Variants in CNTNAP2 observed in about 807,000 individuals in gnomAD.
The protein encoded by CNTNAP2 is contactin-associated protein-like 2.
Under a neutral mutation model 155.2 loss-of-function variants are expected in CNTNAP2, and 98 were observed. The ratio of observed to expected loss-of-function variants is 0.63; its 90% confidence interval spans 0.54 to 0.75. The LOEUF (loss-of-function observed/expected upper bound fraction) is 0.75, where lower values mean the gene tolerates loss of function less well. CNTNAP2 is among the 30% of genes least tolerant of loss of function. CNTNAP2 has a pLI of 0.00. For missense variants in CNTNAP2, 1,727 were observed against 1,688.1 expected, an observed-to-expected ratio of 1.02 and a Z score of -0.40; for synonymous variants, 651 against 631.2, an observed-to-expected ratio of 1.03 and a Z score of -0.47.
chr7:147,922,197 A>C (rs932733117), intron 14 of CNTNAP2, among the ~76,000 whole-genome samples: 2 of 152,264 alleles, frequency 1.3e-5, no homozygotes, highest in African/African-American at 4.8e-5. Context: ...AAATAAATCA[A>C]GAAATTCATT....
Position 148,126,669 on chromosome 7 carries a change from G to A in CNTNAP2, c.2554+8381G>A, listed in dbSNP as rs192376092. ...CACTGTTGAGGTCATCAATGGTGAA[G>A]ACAAGAGGTGAAATGGACAGGGAAT... On this transcript the variant is annotated intron_variant, in intron 16 of 23. Coordinates refer to ENST00000361727, the MANE Select transcript of CNTNAP2 (RefSeq NM_014141.6). Among the ~76,000 whole-genome samples, 1,378 of 152,294 alleles carry A rather than the reference G, an allele frequency of 9.0e-3. 23 individuals are homozygous for A. Among genetic ancestry groups the A allele is most frequent in the African/African-American group, 0.032 (1,318 of 41,548 alleles).
At chr7:146,604,857 A>G (rs1799016399) in intron 1 of CNTNAP2, among the ~76,000 whole-genome samples, 1 of 142,234 alleles carries the variant, frequency 7.0e-6, no homozygotes, top group Non-Finnish European at 1.5e-5. Flanking sequence ...TCTCACTCAT[A>G]GGTGGGAATT....
At chr7:146,861,989 C>G (rs1017008839) in intron 3 of CNTNAP2, among the ~76,000 whole-genome samples, 1 of 152,022 alleles carries the variant, frequency 6.6e-6, no homozygotes, top group Non-Finnish European at 1.5e-5. Flanking sequence ...AAAGCACTTG[C>G]CAACCTTTTA....
At chr7:147,359,681 G>C (rs748592013) in intron 9 of CNTNAP2, among the ~76,000 whole-genome samples, 3 of 151,990 alleles carry the variant, frequency 2.0e-5, no homozygotes, top group Non-Finnish European at 4.4e-5. Flanking sequence ...TGCACTTCCT[G>C]TTCCTTCTGC....
chr7:147,408,619 G>T (rs112811423), intron 10 of CNTNAP2, among the ~76,000 whole-genome samples: 3,821 of 152,248 alleles, frequency 0.025, 184 homozygotes, highest in African/African-American at 0.087. Context: ...TTAGCCAGGC[G>T]TGGTGGCGGG....
chr7:146,266,228 T>C (rs1799991596), intron 1 of CNTNAP2, among the ~76,000 whole-genome samples: 1 of 152,166 alleles, frequency 6.6e-6, no homozygotes, highest in Non-Finnish European at 1.5e-5. Flanking sequence ...CAGCTAGTAC[T>C]GAGAAAAAGT....
chr7:148,394,175 C>T (rs950721001), intron 22 of CNTNAP2, among the ~76,000 whole-genome samples: 4 of 151,916 alleles, frequency 2.6e-5, no homozygotes, highest in African/African-American at 7.3e-5. Context: ...GTAAGTTCTA[C>T]GTATTTTCTT....
At chr7:147,866,358 A>G (rs1799227062) in intron 13 of CNTNAP2, among the ~76,000 whole-genome samples, 2 of 152,176 alleles carry the variant, frequency 1.3e-5, no homozygotes, top group Admixed American at 1.3e-4. Flanking sequence ...CATTTTTAGA[A>G]TAAGTGTGAT....
rs776937696 is a variant in CNTNAP2, at chr7:147,724,233, T to A, written c.2098+84927T>A. ...ATCAGGCACTAGTTCAGAGGCTGCA[T>A]ACACCAATCTGATGCTCATAAACTC... is the stretch of plus-strand genomic sequence containing the variant. On this transcript the variant is annotated intron_variant, in intron 13 of 23. Transcript: ENST00000361727. 2.2e-4 allele frequency among the ~76,000 whole-genome samples: 34 copies of A among 152,028 alleles called. 1 individual carries two copies. The highest frequency in any genetic ancestry group is 4.4e-4 in the Non-Finnish European group (30 of 67,970).
chr7:146,255,304 T>C (rs1799820762), intron 1 of CNTNAP2, among the ~76,000 whole-genome samples: 1 of 152,188 alleles, frequency 6.6e-6, no homozygotes, highest in Non-Finnish European at 1.5e-5. Context: ...CCTCACATAA[T>C]TGTGAATATT....
intron 8 of CNTNAP2, among the ~76,000 whole-genome samples, chr7:147,226,771 C>T (rs938773328): frequency 5.3e-5 from 8 of 152,204 alleles, no homozygotes; most frequent in Admixed American, 2.0e-4. Flanking sequence ...TAGCCTTCCG[C>T]TCTTTTACTA....
intron 12 of CNTNAP2, among the ~76,000 whole-genome samples, chr7:147,617,181 T>G (rs572887263): frequency 1.3e-5 from 2 of 152,344 alleles, no homozygotes; most frequent in East Asian, 3.9e-4. Context: ...TCTGTCATGG[T>G]TCACGACAAA....
chr7:146,125,883 A>G (rs1209939265), intron 1 of CNTNAP2, among the ~76,000 whole-genome samples: 1 of 152,164 alleles, frequency 6.6e-6, no homozygotes, highest in African/African-American at 2.4e-5. Context: ...TCAATCAATG[A>G]GTGTCCTTTT....
At chr7:146,862,507 A>C (rs903044277) in intron 3 of CNTNAP2, among the ~76,000 whole-genome samples, 1 of 152,126 alleles carries the variant, frequency 6.6e-6, no homozygotes, top group African/African-American at 2.4e-5. Flanking sequence ...AACAAACAAA[A>C]AAAACGCTAA....
intron 1 of CNTNAP2, among the ~76,000 whole-genome samples, chr7:146,660,904 C>G (rs62481822): frequency 6.6e-6 from 1 of 152,026 alleles, no homozygotes; most frequent in Admixed American, 6.6e-5. Flanking sequence ...AGCCACCTCA[C>G]CATAGCAAGA....
At chr7:146,430,009 T>A (rs1332403682) in intron 1 of CNTNAP2, among the ~76,000 whole-genome samples, 2 of 152,170 alleles carry the variant, frequency 1.3e-5, no homozygotes, top group Non-Finnish European at 2.9e-5. Flanking sequence ...GTTATGTTTA[T>A]GTGATGAATG....
Position 146,562,524 on chromosome 7 carries a change from C to G in CNTNAP2, c.98-211747C>G, listed in dbSNP as rs183030287. Among the ~76,000 whole-genome samples the G allele has an allele frequency of 1.5e-4, 23 of 152,152 alleles. No homozygotes were observed. In the East Asian group the frequency reaches 2.5e-3, roughly 17 times the overall value. ...TTTTAAGGCAAATACATAATAAATG[C>G]TAAAATGTTGTAGCAATATTCTGGC... On this transcript the variant is annotated intron_variant, in intron 1 of 23. Transcript: ENST00000361727.
chr7:146,755,825 C>T (rs1034295883), intron 1 of CNTNAP2, among the ~76,000 whole-genome samples: 3 of 151,980 alleles, frequency 2.0e-5, no homozygotes, highest in African/African-American at 7.2e-5. Flanking sequence ...GATGTTCCTG[C>T]AGTTACTGGA....
intron 13 of CNTNAP2, among the ~76,000 whole-genome samples, chr7:147,868,916 C>G (rs1358711315): frequency 6.6e-6 from 1 of 152,252 alleles, no homozygotes; most frequent in Non-Finnish European, 1.5e-5. Flanking sequence ...TCCCCTGACC[C>G]CTTGCACTTC....
Sources: allele counts gnomAD v4.1 joint callset (sites outside exome capture counted in the v4.1 genomes callset), GRCh38; gene constraint gnomAD v4.1.1; transcripts MANE v1.5; gene names NCBI Gene and HGNC (gene_info 2026-07-23, HGNC 2026-07-21).